Variants in SLC2A9 observed in about 807,000 individuals in gnomAD.
SLC2A9 encodes the protein solute carrier family 2 member 9.
Under a neutral mutation model 50.6 loss-of-function variants are expected in SLC2A9, and 39 were observed. The observed-to-expected ratio is 0.77, with a 90% CI of 0.60 to 1.01. The LOEUF (loss-of-function observed/expected upper bound fraction) is 1.01, where lower values mean the gene tolerates loss of function less well. SLC2A9 is among the 50% of genes least tolerant of loss of function. The probability of loss-of-function intolerance (pLI) is 0.00; values close to 1 mark genes in which losing one functional copy is unlikely to be tolerated. For synonymous variants in SLC2A9, 324 were observed against 276.9 expected, an observed-to-expected ratio of 1.17 and a Z score of -1.69; for missense variants, 686 against 677.6, an observed-to-expected ratio of 1.01 and a Z score of -0.14.
chr4:9,848,903 C>T (rs947226162), intron 10 of SLC2A9, among the ~76,000 whole-genome samples: 1 of 152,170 alleles, frequency 6.6e-6, no homozygotes, highest in Non-Finnish European at 1.5e-5. Flanking sequence ...GGGGTTTCTG[C>T]ATGTTGGTCA....
intron 6 of SLC2A9, among the ~76,000 whole-genome samples, chr4:9,927,429 G>A (rs1282271965): frequency 2.6e-5 from 4 of 152,204 alleles, no homozygotes; most frequent in Admixed American, 6.5e-5. Flanking sequence ...CAACCCGGAG[G>A]CCTCTTCCCT....
intron 10 of SLC2A9, among the ~76,000 whole-genome samples, chr4:9,836,383 G>C (rs1727116335): frequency 6.6e-6 from 1 of 152,206 alleles, no homozygotes; most frequent in South Asian, 2.1e-4. Flanking sequence ...TTCTGGAGGA[G>C]ATGCACTGTC....
intron 6 of SLC2A9, among the ~76,000 whole-genome samples, chr4:9,927,261 C>T (rs1745078230): frequency 6.6e-6 from 1 of 152,196 alleles, no homozygotes; most frequent in Non-Finnish European, 1.5e-5. Flanking sequence ...AGGTGATCCA[C>T]CCGCGTTGGC....
chr4:10,025,337 G>A (rs1763715698), upstream of SLC2A9, among the ~76,000 whole-genome samples: 1 of 152,100 alleles, frequency 6.6e-6, no homozygotes, highest in Non-Finnish European at 1.5e-5. Flanking sequence ...GGCCAGTGAT[G>A]CCTTCAGCAT....
At chr4:9,989,814 A>T (rs1225443620) in intron 3 of SLC2A9, among the ~76,000 whole-genome samples, 1 of 151,136 alleles carries the variant, frequency 6.6e-6, no homozygotes, top group Admixed American at 6.6e-5. Context: ...ACTGACCTCC[A>T]CTCTCATCTT....
At chr4:9,996,165 TTGTAA>T in intron 3 of SLC2A9, among the ~76,000 whole-genome samples, 1 of 152,228 alleles carries the variant, frequency 6.6e-6, no homozygotes, top group East Asian at 1.9e-4. Flanking sequence ...GCTTCCTTAT[TTGTAA>T]TGTAAATGAT....
chr4:9,937,960 G>A (rs1436194075), intron 6 of SLC2A9, among the ~76,000 whole-genome samples: 3 of 152,202 alleles, frequency 2.0e-5, no homozygotes, highest in Admixed American at 1.3e-4. Context: ...GGGCCTGCCC[G>A]TATCTATGAT....
intron 10 of SLC2A9, among the ~76,000 whole-genome samples, chr4:9,886,424 CTGTGTGTGTGTGTG>C (rs59081583): frequency 0.037 from 5,073 of 135,664 alleles, 148 homozygotes; most frequent in African/African-American, 0.076. Context: ...CCTCATAGCA[CTGTGTGTGTGTGTG>C]TGTGTGTGTG....
At chr4:9,976,589 A>C (rs1424870142) in intron 5 of SLC2A9, among the ~76,000 whole-genome samples, 3 of 152,244 alleles carry the variant, frequency 2.0e-5, no homozygotes, top group African/African-American at 7.2e-5. Context: ...GGATATTTAC[A>C]GGGTTCCTCA....
chr4:9,885,297 GA>G (rs1345397542), intron 10 of SLC2A9, among the ~76,000 whole-genome samples: 1 of 152,176 alleles, frequency 6.6e-6, no homozygotes, highest in Non-Finnish European at 1.5e-5. Context: ...AAAGGCTTGA[GA>G]AATTGATAAG....
Position 10,010,159 on chromosome 4 carries a change from T to C in SLC2A9, c.249+8816A>G, listed in dbSNP as rs371889296. Among the ~76,000 whole-genome samples, 17 of 152,322 alleles carry C rather than the reference T, an allele frequency of 1.1e-4. No homozygotes were observed. In the East Asian group the frequency reaches 2.5e-3, roughly 22 times the overall value. On this transcript the variant is annotated intron_variant, in intron 2 of 11. Transcript: ENST00000264784. ...GGACCAAAGATTGAGTTCAACCTTA[T>C]GGCCAATGATTTGATCAATCACATC...
intron 11 of SLC2A9, among the ~76,000 whole-genome samples, chr4:9,831,292 G>A (rs1295322816): frequency 6.6e-6 from 1 of 152,102 alleles, no homozygotes; most frequent in African/African-American, 2.4e-5. Context: ...GGTCATTAGG[G>A]TGGGGCCCTA....
chr4:9,856,416 T>G (rs941200641), intron 10 of SLC2A9, among the ~76,000 whole-genome samples: 2 of 152,196 alleles, frequency 1.3e-5, no homozygotes, highest in African/African-American at 4.8e-5. Context: ...CACAATGAGA[T>G]ATCATCTCAC....
At chr4:9,932,654 G>A (rs1048495667) in intron 6 of SLC2A9, among the ~76,000 whole-genome samples, 2 of 152,226 alleles carry the variant, frequency 1.3e-5, no homozygotes, top group African/African-American at 2.4e-5. Flanking sequence ...CCTTCCAGGC[G>A]AAGGAGCCAG....
intron 1 of SLC2A9, among the ~76,000 whole-genome samples, chr4:10,038,837 A>G (rs1764190708): frequency 6.6e-6 from 1 of 152,230 alleles, no homozygotes; most frequent in East Asian, 1.9e-4. Flanking sequence ...AAGGTCCCTC[A>G]GTCACTGTCA....
rs565273569 is a variant in SLC2A9 at position 9,865,515 on chromosome 4, T to A, written c.1291+22052A>T. The stretch of plus-strand genomic sequence containing the variant: ...GTTACAGAGTACATTTAAATCTGCC[T>A]TAATAAAGGCAAGGAGGCAAAGAAG... On this transcript the variant is annotated intron_variant, in intron 10 of 11. Transcript: ENST00000264784. Among the ~76,000 whole-genome samples the A allele has an allele frequency of 3.9e-5, 6 of 152,372 alleles. No individual in the cohort carries two copies. The East Asian group carries it at 1.2e-3, about 29-fold the overall frequency.
intron 11 of SLC2A9, among the ~76,000 whole-genome samples, chr4:9,829,285 T>A (rs980675221): frequency 3.3e-5 from 5 of 152,114 alleles, no homozygotes; most frequent in Non-Finnish European, 5.9e-5. Context: ...TCGCCTGTTA[T>A]CCCAGCTACT....
chr4:9,837,579 T>C (rs534486250), intron 10 of SLC2A9, among the ~76,000 whole-genome samples: 2 of 152,312 alleles, frequency 1.3e-5, no homozygotes, highest in South Asian at 4.1e-4. Flanking sequence ...CACTGACAAA[T>C]TGCCTCCTGG....
At chr4:9,953,036 T>C (rs11723382) in intron 5 of SLC2A9, among the ~76,000 whole-genome samples, 87,598 of 152,054 alleles carry the variant, frequency 0.58, 26,465 homozygotes, top group African/African-American at 0.77. Flanking sequence ...CCTAGAATCA[T>C]ACACTTGTGA....
Sources: gnomAD v4.1 joint callset for allele counts (sites outside exome capture counted in the v4.1 genomes callset) on GRCh38, gnomAD v4.1.1 for gene constraint, MANE v1.5 for transcripts, NCBI Gene and HGNC (gene_info 2026-07-23, HGNC 2026-07-21) for gene names.